METTL22: variants seen among roughly 807,000 people sequenced by gnomAD.
METTL22 encodes methyltransferase-like protein 22.
A neutral mutation model predicts 48.4 loss-of-function variants in METTL22; 51 were observed. The ratio of observed to expected loss-of-function variants is 1.05; its 90% CI spans 0.84 to 1.33. The LOEUF is 1.33. METTL22 is among the 40% of genes most tolerant of loss of function. The pLI is 0.00. For missense variants in METTL22, 678 were observed against 526.9 expected (o/e 1.29, Z -2.81); for synonymous variants, 255 against 214.1 (o/e 1.19, Z -1.67).
intron 1 of METTL22, among the ~76,000 whole-genome samples, chr16:8,623,053 C>T (rs1030686983): frequency 2.0e-5 from 3 of 152,088 alleles, no homozygotes; most frequent in Admixed American, 6.5e-5. Flanking sequence ...GTGGCTCACA[C>T]CTATAATCCC....
rs58228844 is a variant in METTL22 at position 8,644,768 on chromosome 16, T to C, written c.1179+43T>C. The C allele has an allele frequency of 8.8e-3, 13,117 of 1,490,710 alleles. 1,005 individuals are homozygous for C. In the African/African-American group the frequency reaches 0.16, roughly 19 times the overall value. 92.3% of individuals were successfully genotyped at this position (1,490,710 alleles called of 1,614,324 possible). On this transcript the variant is annotated intron_variant, in intron 10 of 10. Transcript: ENST00000381920. The stretch of plus-strand genomic sequence containing the variant: ...AGCAGGGCCGTTGGTTGCTTTACTG[T>C]GAAGCGGGTGACTCCAGGGCAAAGA...
At chr16:8,655,531 T>A in the METTL22 span, among the ~76,000 whole-genome samples, 1 of 152,206 alleles carries the variant, frequency 6.6e-6, no homozygotes, top group Non-Finnish European at 1.5e-5. Flanking sequence ...TCCGTCACTT[T>A]TGTCACATTC....
intron 2 of METTL22, 90 bp downstream of exon 2, chr16:8,625,888 G>A (rs1428976786): frequency 6.6e-7 from 1 of 1,513,908 alleles, no homozygotes; most frequent in Non-Finnish European, 9.1e-7. Flanking sequence ...TGGGAAGACT[G>A]GATTACGTAA....
the METTL22 span, among the ~76,000 whole-genome samples, chr16:8,662,097 C>T: frequency 1.4e-5 from 2 of 145,240 alleles, 1 homozygote; most frequent in Admixed American, 1.4e-4. Context: ...AAACAATCAG[C>T]TGGGTGCAGT....
chr16:8,628,589 C>A, intron 2 of METTL22, 141 bp from the exon 3 acceptor site: 1 of 1,185,004 alleles, frequency 8.4e-7, no homozygotes, highest in Non-Finnish European at 1.1e-6. Context: ...TCAAGTGGGC[C>A]TTTTCTGCTG....
Position 8,624,450 on chromosome 16 carries a change from G to A in METTL22, c.-170-1046G>A, listed in dbSNP as rs959828480. ...TGCAGAGTGCAGTGACGCATTCTCA[G>A]CTCACTGCAACCCCTGCCTTTTGGT... On this transcript the variant is annotated intron_variant, in intron 1 of 10. Coordinates refer to ENST00000381920, the MANE Select transcript of METTL22 (RefSeq NM_024109.4). Among the ~76,000 whole-genome samples the A allele has an allele frequency of 4.6e-5, 7 of 150,874 alleles. No individual in the cohort carries two copies. The South Asian group carries it at 1.5e-3, about 31-fold the overall frequency.
intron 5 of METTL22, among the ~76,000 whole-genome samples, chr16:8,635,990 G>T (rs886348982): frequency 6.6e-6 from 1 of 152,162 alleles, no homozygotes; most frequent in African/African-American, 2.4e-5. Flanking sequence ...TATTTAGGGG[G>T]TACAAGTGCG....
intron 7 of METTL22, chr16:8,641,450 G>C (rs2056615432): frequency 6.8e-6 from 4 of 584,646 alleles, no homozygotes; most frequent in Non-Finnish European, 1.3e-5. Context: ...TGAATTGTGA[G>C]TGCAGACTGC....
At chr16:8,666,852 T>C in the METTL22 span, 6 of 151,480 alleles carry the variant, frequency 4.0e-5, no homozygotes, top group Non-Finnish European at 8.8e-5. Flanking sequence ...AATGGTACCA[T>C]CTCGGCTCAC....
chr16:8,646,220 C>G lies in METTL22; in HGVS notation c.*77C>G. 1 of 1,552,772 alleles carries G rather than the reference C, an allele frequency of 6.4e-7. No homozygotes were observed. Among genetic ancestry groups the G allele is most frequent in the East Asian group, 2.2e-5 (1 of 44,460 alleles). ...TAGTAAAATCAGAAGCTCACCAAAG[C>G]AACATGCTTGAGATTTTGTCATTTT... is the stretch of plus-strand genomic sequence containing the variant. On this transcript the variant is annotated 3_prime_UTR_variant, in exon 11 of 11. Coordinates refer to ENST00000381920, the MANE Select transcript of METTL22 (RefSeq NM_024109.4).
chr16:8,652,107 A>T (rs757174734), downstream of METTL22, among the ~76,000 whole-genome samples: 1 of 152,098 alleles, frequency 6.6e-6, no homozygotes, highest in Non-Finnish European at 1.5e-5. Flanking sequence ...GTTGGGGGAG[A>T]AATGCTGCCA....
the METTL22 span, among the ~76,000 whole-genome samples, chr16:8,659,016 T>C: frequency 1.3e-5 from 2 of 151,928 alleles, no homozygotes; most frequent in Non-Finnish European, 2.9e-5. Context: ...TTCCCCAGTG[T>C]CCACAGCCCA....
chr16:8,625,466 A>G (rs2056014661), intron 1 of METTL22, 30 bp from the exon 2 acceptor site: 1 of 441,172 alleles, frequency 2.3e-6, no homozygotes, highest in Non-Finnish European at 4.0e-6. Flanking sequence ...AGTGAAATGA[A>G]TATAAACAAA....
At chr16:8,652,065 T>C (rs2141837488), downstream of METTL22, among the ~76,000 whole-genome samples, 1 of 152,300 alleles carries the variant, frequency 6.6e-6, no homozygotes, top group East Asian at 1.9e-4. Context: ...ATCCTGCTGA[T>C]CCCAGCTCCA....
downstream of METTL22, among the ~76,000 whole-genome samples, chr16:8,652,088 G>A (rs1596379378): frequency 6.6e-6 from 1 of 152,226 alleles, no homozygotes; most frequent in Middle Eastern, 3.4e-3. Flanking sequence ...CCACTTCCAC[G>A]GGCTGCCAGT....
rs2056391807 is a variant in METTL22 at position 8,635,325 on chromosome 16, C to T, written c.700+13C>T. ...GTTTATTGTACAGGTAATGAGGTGA[C>T]ATCTCAGGCTGCAGGGAAGTAGTCA... On this transcript the variant is annotated intron_variant, in intron 5 of 10. Transcript: ENST00000381920. The T allele has an allele frequency of 6.5e-7, 1 of 1,530,060 alleles. No individual in the cohort carries two copies. The highest frequency in any genetic ancestry group is 1.4e-5 in the African/African-American group (1 of 73,022). The allele number at this position is 1,530,060 out of a possible 1,614,324, so 94.8% of individuals were successfully genotyped here.
At chr16:8,655,244 G>C in the METTL22 span, among the ~76,000 whole-genome samples, 9 of 152,216 alleles carry the variant, frequency 5.9e-5, no homozygotes, top group Admixed American at 5.9e-4. Flanking sequence ...GCTACAAGGA[G>C]TTCAGCTGTG....
intron 1 of METTL22, among the ~76,000 whole-genome samples, chr16:8,622,293 G>T (rs776216893): frequency 6.6e-6 from 1 of 152,090 alleles, no homozygotes; most frequent in African/African-American, 2.4e-5. Context: ...GAAAGATGAG[G>T]AGGGAAGTTA....
intron 5 of METTL22, among the ~76,000 whole-genome samples, chr16:8,635,882 C>T (rs2056408376): frequency 6.6e-6 from 1 of 152,224 alleles, no homozygotes; most frequent in Admixed American, 6.5e-5. Flanking sequence ...TAAGAATCTC[C>T]TCCAAATGAT....
Sources: gnomAD v4.1 joint callset for allele counts (sites outside exome capture counted in the v4.1 genomes callset) on GRCh38, gnomAD v4.1.1 for gene constraint, MANE v1.5 for transcripts, NCBI Gene and HGNC (gene_info 2026-07-23, HGNC 2026-07-21) for gene names.